Variants in CYP26B1 observed in about 807,000 individuals in gnomAD.
CYP26B1 encodes the protein cytochrome P450 family 26 subfamily B member 1, also known as cytochrome P450 26B1.
A neutral mutation model predicts 39.1 loss-of-function variants in CYP26B1; 8 were observed. The ratio of observed to expected loss-of-function variants is 0.20; its 90% CI spans 0.12 to 0.37. CYP26B1 has a LOEUF of 0.37. Ranked by LOEUF, CYP26B1 falls within the 10% of genes least tolerant of loss-of-function variation. The pLI is 1.00. For missense variants in CYP26B1, 615 were observed against 707.0 expected (o/e 0.87, Z 1.48); for synonymous variants, 321 against 314.3 (o/e 1.02, Z -0.23).
At chr2:72,137,305 G>T (rs951051248) in intron 2 of CYP26B1, among the ~76,000 whole-genome samples, 1 of 152,188 alleles carries the variant, frequency 6.6e-6, no homozygotes, top group African/African-American at 2.4e-5. Flanking sequence ...AACTTACAGT[G>T]TGATCATGGC....
At chr2:72,132,744 A>C (rs994897158) in intron 5 of CYP26B1, 125 bp from the exon 6 acceptor site, 1 of 1,483,548 alleles carries the variant, frequency 6.7e-7, no homozygotes, top group Non-Finnish European at 9.0e-7. Flanking sequence ...GAGACACCCC[A>C]CTGTGGCCCC....
intron 2 of CYP26B1, among the ~76,000 whole-genome samples, chr2:72,142,699 G>A (rs183968126): frequency 1.3e-5 from 2 of 152,238 alleles, no homozygotes; most frequent in South Asian, 2.1e-4. Context: ...TTGAAAAGCC[G>A]AGGCTTCATT....
chr2:72,137,797 G>T (rs1272188666), intron 2 of CYP26B1, among the ~76,000 whole-genome samples: 1 of 152,174 alleles, frequency 6.6e-6, no homozygotes, highest in African/African-American at 2.4e-5. Flanking sequence ...CCTGACCCCT[G>T]GGGGGAAGGG....
intron 1 of CYP26B1, chr2:72,144,447 A>G (rs923263192): frequency 2.3e-6 from 3 of 1,328,178 alleles, no homozygotes; most frequent in African/African-American, 1.5e-5. Flanking sequence ...CACCCCCAGG[A>G]GGCTGTTTTT....
At chr2:72,143,400 G>C (rs1473798334) in intron 2 of CYP26B1, among the ~76,000 whole-genome samples, 1 of 150,360 alleles carries the variant, frequency 6.7e-6, no homozygotes, top group Non-Finnish European at 1.5e-5. Flanking sequence ...TTTGATCCCC[G>C]CTCGTGCCTC....
In CYP26B1 at chr2:72,131,936, T is replaced by C; in HGVS notation, c.*291A>G. ...ATCACAAAAACACTGTAGCACGCGC[T>C]GACACCTAACACTGTCACGGGCATG... On this transcript the variant is annotated 3_prime_UTR_variant, in exon 6 of 6. Transcript: ENST00000001146. The C allele has an allele frequency of 3.9e-6, 2 of 509,474 alleles. No homozygotes were observed. The highest frequency in any genetic ancestry group is 2.3e-5 in the South Asian group (1 of 44,078). 31.6% of individuals were successfully genotyped at this position (509,474 alleles called of 1,614,324 possible). A position where few individuals can be genotyped will look rare whatever the true frequency, so the allele number is the denominator to read the frequency against.
rs766151107 is a variant in CYP26B1 at position 72,132,226 on chromosome 2, G to C, written c.*1C>G. The C allele has an allele frequency of 7.5e-6, 12 of 1,597,700 alleles. No individual in the cohort carries two copies. The highest frequency in any genetic ancestry group is 5.2e-5 in the Admixed American group (3 of 57,386). On this transcript the variant is annotated 3_prime_UTR_variant, in exon 6 of 6. Transcript: ENST00000001146. The stretch of plus-strand genomic sequence containing the variant: ...CTGGGCTGAGGCGGGTGGGTCTTGG[G>C]TTAGACTGTGGCGCTCAGCATGGCC...
At chr2:72,137,871 G>GC (rs1439749617) in intron 2 of CYP26B1, among the ~76,000 whole-genome samples, 1 of 152,184 alleles carries the variant, frequency 6.6e-6, no homozygotes, top group African/African-American at 2.4e-5. Flanking sequence ...GCACCTGCAG[G>GC]CCCCTGAGGC....
intron 2 of CYP26B1, among the ~76,000 whole-genome samples, chr2:72,139,739 A>G (rs1390222594): frequency 6.6e-6 from 1 of 152,206 alleles, no homozygotes; most frequent in African/African-American, 2.4e-5. Context: ...CCCGCCTTAG[A>G]AAGCTGTGGA....
intron 3 of CYP26B1, 95 bp from the exon 4 acceptor site, chr2:72,135,011 G>A (rs1489006660): frequency 1.3e-6 from 2 of 1,599,522 alleles, no homozygotes; most frequent in Non-Finnish European, 1.7e-6. Flanking sequence ...CCTACCCCAC[G>A]CTGACACCTC....
At chr2:72,134,981 A>AG (rs765075995) in intron 3 of CYP26B1, 65 bp from the exon 4 acceptor site, 7 of 1,606,364 alleles carry the variant, frequency 4.4e-6, no homozygotes, top group Non-Finnish European at 5.9e-6. Context: ...CGGGACCACC[A>AG]GGGACGACTC....
At chr2:72,136,244 C>T (rs976567566) in intron 2 of CYP26B1, among the ~76,000 whole-genome samples, 2 of 152,206 alleles carry the variant, frequency 1.3e-5, no homozygotes, top group Admixed American at 1.3e-4. Flanking sequence ...CCCCTGCTAC[C>T]AGCACCAAGC....
intron 1 of CYP26B1, chr2:72,144,546 A>ACCCCCACCCCCACACCCCCG (rs1677062356): frequency 1.4e-6 from 1 of 711,028 alleles, no homozygotes; most frequent in African/African-American, 4.1e-5. Flanking sequence ...CCACACCCCC[A>ACCCCCACCCCCACACCCCCG]CCCCGCGCTC....
In CYP26B1 at chr2:72,135,232, T is replaced by A. The variant is rs2104050938; in HGVS notation, c.617A>T (p.Asp206Val). 1.2e-6 allele frequency: 2 copies of A among 1,614,026 alleles called. No individual in the cohort carries two copies. The highest frequency in any genetic ancestry group is 1.1e-5 in the South Asian group (1 of 91,070). The change falls in exon 3 of 6, where the codon GAC becomes GTC. Residue 206 changes from aspartate (D) to valine (V), a missense_variant. Asp to Val is a radical substitution (Grantham distance 152, BLOSUM62 -3). Transcript: ENST00000001146. ...VLLGFSIPEE[D>V]LGHLFEVYQQ... ...GTAGACCTCAAAGAGGTGCCCAAGG[T>A]CCTCCTCAGGGATGCTGAAGCCCAG...
At chr2:72,139,953 G>A (rs115022836) in intron 2 of CYP26B1, among the ~76,000 whole-genome samples, 2,977 of 152,298 alleles carry the variant, frequency 0.02, 105 homozygotes, top group African/African-American at 0.067. Flanking sequence ...AGCTGTCCCC[G>A]CCACTCTGGT....
intron 1 of CYP26B1, 194 bp from the exon 2 acceptor site, chr2:72,144,407 A>G: frequency 1.4e-6 from 2 of 1,390,540 alleles, no homozygotes; most frequent in Non-Finnish European, 1.9e-6. Flanking sequence ...AGAGGATAAT[A>G]AATAATGCAA....
intron 2 of CYP26B1, among the ~76,000 whole-genome samples, chr2:72,136,011 C>A (rs753658753): frequency 2.3e-4 from 35 of 152,190 alleles, no homozygotes; most frequent in Non-Finnish European, 4.9e-4. Flanking sequence ...TCTTCCAGGG[C>A]CACTGTACGC....
rs1193128175 is a variant in CYP26B1 at position 72,132,470 on chromosome 2, G to T, written c.1296C>A (p.Leu432=). The part of the protein sequence containing the change: ...SEDKDGRFHY[L]PFGGGVRTCL... ...AGGTCCGGACACCGCCACCGAACGG[G>T]AGGTAATGGAAGCGGCCATCCTTGT... The change falls in exon 6 of 6, where the codon CTC becomes CTA. Residue 432 remains leucine, a synonymous_variant. Coordinates refer to ENST00000001146, the MANE Select transcript of CYP26B1 (RefSeq NM_019885.4). 6.2e-7 allele frequency: 1 copy of T among 1,613,304 alleles called. No individual in the cohort carries two copies. The highest frequency in any genetic ancestry group is 1.3e-5 in the African/African-American group (1 of 75,060).
rs755576009 is a variant in CYP26B1, at chr2:72,133,184, G to A, written c.985C>T (p.His329Tyr). ...CAGCCGCCACTGTGCAGGATGCCAT[G>A]AGCCCGCAGCTCATCCCGCAGCTTC... The part of the protein sequence containing the change: ...LEKLRDELRA[H>Y]GILHSGGCPC... The change falls in exon 5 of 6, where the codon CAT (histidine) becomes TAT (tyrosine). Residue 329 changes from histidine to tyrosine, a missense_variant. Coordinates refer to ENST00000001146, the MANE Select transcript of CYP26B1 (RefSeq NM_019885.4). The A allele has an allele frequency of 2.5e-6, 4 of 1,612,234 alleles. No individual in the cohort carries two copies. Among genetic ancestry groups the A allele is most frequent in the East Asian group, 2.2e-5 (1 of 44,872 alleles).
Sources: gnomAD v4.1 joint callset for allele counts (sites outside exome capture counted in the v4.1 genomes callset) on GRCh38, gnomAD v4.1.1 for gene constraint, MANE v1.5 for transcripts, NCBI Gene and HGNC (gene_info 2026-07-23, HGNC 2026-07-21) for gene names.